CD163: variants seen among roughly 807,000 people sequenced by gnomAD.
The protein encoded by CD163 is scavenger receptor cysteine-rich type 1 protein M130.
A neutral mutation model predicts 129.2 loss-of-function variants in CD163; 64 were observed. The observed-to-expected ratio is 0.50, with a 90% CI of 0.41 to 0.61. The LOEUF (loss-of-function observed/expected upper bound fraction) is 0.61, where lower values mean the gene tolerates loss of function less well. Among genes scored for constraint, CD163 ranks in the 20% least tolerant of loss-of-function variants. The probability of loss-of-function intolerance (pLI) is 0.00; values close to 1 mark genes in which losing one functional copy is unlikely to be tolerated. For synonymous variants in CD163, 446 were observed against 478.5 expected, an observed-to-expected ratio of 0.93 and a Z score of 0.89; for missense variants, 1,061 against 1,377.9, an observed-to-expected ratio of 0.77 and a Z score of 3.64.
At position 7,486,555 on chromosome 12, in the gene CD163, T is replaced by C. The variant is rs368251402; in HGVS notation, c.2402A>G (p.His801Arg). 2 of 1,614,112 alleles carry C rather than the reference T, an allele frequency of 1.2e-6. No individual in the cohort carries two copies. The highest frequency in any genetic ancestry group is 1.7e-6 in the Non-Finnish European group (2 of 1,180,034). ...KESRIWQCHS[H>R]GWGQQNCRHK... ...CCTGCAATTTTGCTGCCCCCAGCCG[T>C]GTGAATGGCACTGCCAAATGCGGGA... is the stretch of plus-strand genomic sequence containing the variant. The change falls in exon 10 of 17, where the codon CAC becomes CGC. Residue 801 changes from histidine to arginine, a missense_variant. His to Arg is a conservative substitution (Grantham distance 29). Transcript: ENST00000432237.
At chr12:7,474,577 G>A (rs1949057926) in intron 16 of CD163, among the ~76,000 whole-genome samples, 1 of 152,180 alleles carries the variant, frequency 6.6e-6, no homozygotes, top group Non-Finnish European at 1.5e-5. Flanking sequence ...AGCTAAAGCA[G>A]TGTTAAGAGG....
intron 13 of CD163, 58 bp downstream of exon 13, chr12:7,482,908 A>C: frequency 6.3e-7 from 1 of 1,596,848 alleles, no homozygotes; most frequent in Non-Finnish European, 8.5e-7. Context: ...ATTTCTAAAC[A>C]AGAAAAATTC....
intron 6 of CD163, among the ~76,000 whole-genome samples, chr12:7,494,286 T>C (rs1029046650): frequency 2.0e-5 from 3 of 152,232 alleles, no homozygotes; most frequent in African/African-American, 7.2e-5. Context: ...AATTCAAATT[T>C]ATATCTTAAA....
intron 16 of CD163, chr12:7,473,240 C>T (rs1949032493): frequency 6.6e-6 from 1 of 152,152 alleles, no homozygotes; most frequent in Non-Finnish European, 1.5e-5. Flanking sequence ...CTAAGATACT[C>T]CCCAAGAAGA....
chr12:7,481,947 T>C (rs1298198078), intron 14 of CD163, among the ~76,000 whole-genome samples: 1 of 152,142 alleles, frequency 6.6e-6, no homozygotes, highest in African/African-American at 2.4e-5. Flanking sequence ...ATGTTCGAAA[T>C]TTGTCCCCAA....
chr12:7,490,497 T>G (rs183512180), intron 6 of CD163, among the ~76,000 whole-genome samples: 2 of 152,150 alleles, frequency 1.3e-5, no homozygotes, highest in African/African-American at 2.4e-5. Context: ...AACTTGTTCT[T>G]TAAGAGAAAT....
chr12:7,486,096 G>C (rs1949244750), intron 10 of CD163, among the ~76,000 whole-genome samples: 1 of 152,036 alleles, frequency 6.6e-6, no homozygotes, highest in Non-Finnish European at 1.5e-5. Context: ...AATTGCTTGG[G>C]CATAGTAATT....
At chr12:7,486,401 C>T (rs1008079721) in intron 10 of CD163, 98 bp downstream of exon 10, 1 of 1,225,186 alleles carries the variant, frequency 8.2e-7, no homozygotes. Context: ...CCTTTTGGAT[C>T]AACTTTTCAG....
At chr12:7,475,912 C>T (rs753219868) in intron 16 of CD163, among the ~76,000 whole-genome samples, 2 of 152,066 alleles carry the variant, frequency 1.3e-5, no homozygotes, top group Non-Finnish European at 2.9e-5. Context: ...AATCAATGTG[C>T]AAAAATCACA....
At chr12:7,499,247 A>C in intron 3 of CD163, 59 bp from the exon 4 acceptor site, 3 of 1,461,890 alleles carry the variant, frequency 2.1e-6, no homozygotes, top group Non-Finnish European at 2.8e-6. Flanking sequence ...TGATTTTAGA[A>C]AAGAAGTTTC....
intron 6 of CD163, among the ~76,000 whole-genome samples, chr12:7,493,654 T>C (rs900867351): frequency 2.0e-5 from 3 of 152,138 alleles, no homozygotes; most frequent in African/African-American, 7.2e-5. Flanking sequence ...GGAAAATCTA[T>C]AACCTAAAAT....
chr12:7,482,890 G>T, intron 13 of CD163, 76 bp downstream of exon 13: 1 of 1,588,428 alleles, frequency 6.3e-7, no homozygotes, highest in Non-Finnish European at 8.6e-7. Context: ...CAGAACGTCT[G>T]ACCTAAAATT....
At chr12:7,498,146 CAGAGAG>C (rs1555079445) in intron 4 of CD163, among the ~76,000 whole-genome samples, 5 of 148,950 alleles carry the variant, frequency 3.4e-5, no homozygotes, top group Non-Finnish European at 4.5e-5. Context: ...CACACACACA[CAGAGAG>C]AGAGAGAGAG....
intron 5 of CD163, 149 bp from the exon 6 acceptor site, chr12:7,495,550 C>A: frequency 1.4e-6 from 1 of 706,220 alleles, no homozygotes; most frequent in Non-Finnish European, 2.3e-6. Context: ...ATAATATAGA[C>A]CATAAATTTT....
At chr12:7,494,072 G>C (rs1189307579) in intron 6 of CD163, among the ~76,000 whole-genome samples, 2 of 152,080 alleles carry the variant, frequency 1.3e-5, no homozygotes, top group Non-Finnish European at 2.9e-5. Flanking sequence ...GAAAGCAAAT[G>C]ATAGCTATAT....
intron 11 of CD163, among the ~76,000 whole-genome samples, chr12:7,484,485 C>G (rs1949220026): frequency 1.3e-5 from 2 of 151,804 alleles, no homozygotes; most frequent in Non-Finnish European, 2.9e-5. Context: ...ACTAAAAATA[C>G]AAAATTAGCT....
intron 4 of CD163, among the ~76,000 whole-genome samples, chr12:7,497,380 C>T (rs1327583319): frequency 6.6e-6 from 1 of 152,158 alleles, no homozygotes; most frequent in Non-Finnish European, 1.5e-5. Flanking sequence ...GATACAGGGA[C>T]TGAATTTCAT....
chr12:7,474,044 T>C (rs1279456462), intron 16 of CD163, among the ~76,000 whole-genome samples: 1 of 152,078 alleles, frequency 6.6e-6, no homozygotes, highest in East Asian at 1.9e-4. Context: ...ACTAAATACA[T>C]ATGCACCCAA....
intron 16 of CD163, among the ~76,000 whole-genome samples, chr12:7,478,992 G>A (rs1363830042): frequency 6.6e-6 from 1 of 151,056 alleles, no homozygotes; most frequent in Non-Finnish European, 1.5e-5. Context: ...TTTTTTTTAT[G>A]TTTTTCTCAT....
Sources: allele counts gnomAD v4.1 joint callset (sites outside exome capture counted in the v4.1 genomes callset), GRCh38; gene constraint gnomAD v4.1.1; transcripts MANE v1.5; gene names NCBI Gene and HGNC (gene_info 2026-07-23, HGNC 2026-07-21).